DYNC2H1: variants seen among roughly 807,000 people sequenced by gnomAD.
The protein encoded by DYNC2H1 is dynein cytoplasmic 2 heavy chain 1.
In DYNC2H1, 410 loss-of-function variants were observed where a neutral mutation model predicts 570.0. The observed-to-expected ratio is 0.72, with a 90% CI of 0.66 to 0.78. DYNC2H1 has a LOEUF of 0.78. Ranked by LOEUF, DYNC2H1 falls within the 30% of genes least tolerant of loss-of-function variation. DYNC2H1 has a pLI of 0.00. For missense variants in DYNC2H1, 4,865 were observed against 5,046.4 expected (o/e 0.96, Z 1.09); for synonymous variants, 1,688 against 1,677.6 (o/e 1.01, Z -0.15).
rs1251171225 is a variant in DYNC2H1 at position 103,189,896 on chromosome 11, T to G, written c.7437+80T>G. On this transcript the variant is annotated intron_variant, in intron 45 of 88. Coordinates refer to ENST00000375735, the MANE Select transcript of DYNC2H1 (RefSeq NM_001377.3). This position sits in a 1 kb window ranked among gnomAD's most constrained non-coding sequence, Gnocchi z 4.3. ...TCTACTTTTAATTCTGACCTCTGTG[T>G]TGACACCCAGGCTTTACTTTCCTGT... The G allele has an allele frequency of 2.1e-6, 3 of 1,396,996 alleles. No individual in the cohort carries two copies. Among genetic ancestry groups the G allele is most frequent in the Non-Finnish European group, 2.9e-6 (3 of 1,042,554 alleles). The allele number at this position is 1,396,996 out of a possible 1,614,324, so 86.5% of individuals were successfully genotyped here. A position where few individuals can be genotyped will look rare whatever the true frequency, so the allele number is the denominator to read the frequency against.
intron 87 of DYNC2H1, among the ~76,000 whole-genome samples, chr11:103,459,330 A>AG (rs1565617803): frequency 1.4e-5 from 2 of 145,024 alleles, no homozygotes; most frequent in African/African-American, 5.4e-5. Context: ...AAAAAAAAAA[A>AG]AAAGGAAATT....
intron 83 of DYNC2H1, among the ~76,000 whole-genome samples, chr11:103,375,510 G>A (rs893972028): frequency 1.3e-5 from 2 of 152,210 alleles, no homozygotes; most frequent in East Asian, 3.9e-4. Context: ...CCAGGAGAGG[G>A]GAGCTGTACC....
chr11:103,115,066 C>T, intron 3 of DYNC2H1, 111 bp from the exon 4 acceptor site: 1 of 645,322 alleles, frequency 1.5e-6, no homozygotes, highest in Admixed American at 2.8e-5. Flanking sequence ...TTGACCTCAG[C>T]TAGGAGCATA....
chr11:103,200,425 A>T (rs2135083488), intron 50 of DYNC2H1, among the ~76,000 whole-genome samples: 1 of 152,292 alleles, frequency 6.6e-6, no homozygotes, highest in African/African-American at 2.4e-5. Flanking sequence ...CTGGGTTATT[A>T]TCTGTTATAA....
At position 103,211,777 on chromosome 11, in the gene DYNC2H1, A is replaced by AT. The variant is rs956617436; in HGVS notation, c.8540-5dup. 6.2e-6 allele frequency: 7 copies of AT among 1,136,612 alleles called. No homozygotes were observed. The highest frequency in any genetic ancestry group is 3.9e-5 in the South Asian group (2 of 51,226). 70.4% of individuals were successfully genotyped at this position (1,136,612 alleles called of 1,614,324 possible). ...ATATAATAAGTTATTTTTATTTTCTATTTTTTTCTAGTTGATCCTGATTTT... is the reference window on the plus strand; with the variant it reads ...ATATAATAAGTTATTTTTATTTTCTATTTTTTTTCTAGTTGATCCTGATTTT... On this transcript the variant is annotated splice_polypyrimidine_tract_variant and intron_variant, in intron 53 of 88. Coordinates refer to ENST00000375735, the MANE Select transcript of DYNC2H1 (RefSeq NM_001377.3).
At chr11:103,442,530 A>G (rs1944302871) in intron 85 of DYNC2H1, among the ~76,000 whole-genome samples, 2 of 152,104 alleles carry the variant, frequency 1.3e-5, no homozygotes, top group East Asian at 1.9e-4. Flanking sequence ...AATCCTTCGT[A>G]TGGCCAACTA....
chr11:103,302,735 T>A (rs191859812), intron 75 of DYNC2H1, among the ~76,000 whole-genome samples: 238 of 152,170 alleles, frequency 1.6e-3, no homozygotes, highest in African/African-American at 5.5e-3. Flanking sequence ...AGATTGATGG[T>A]TGGGTTCAGT....
intron 83 of DYNC2H1, among the ~76,000 whole-genome samples, chr11:103,377,612 T>G (rs1010189309): frequency 6.6e-6 from 1 of 152,182 alleles, no homozygotes; most frequent in Non-Finnish European, 1.5e-5. Flanking sequence ...ATGAAACTAA[T>G]CTTTTACATT....
chr11:103,286,133 C>T (rs530981151), intron 73 of DYNC2H1, 122 bp from the exon 74 acceptor site: 1 of 1,317,348 alleles, frequency 7.6e-7, no homozygotes, highest in East Asian at 2.3e-5. Context: ...CAAGGCAACA[C>T]AAAGTAGAAG....
chr11:103,352,264 C>T (rs1591619153), intron 82 of DYNC2H1, among the ~76,000 whole-genome samples: 1 of 151,764 alleles, frequency 6.6e-6, no homozygotes, highest in East Asian at 1.9e-4. Context: ...ATTTTGTTTC[C>T]CCTTATTGTT....
At chr11:103,253,167 C>T (rs1249839947) in intron 65 of DYNC2H1, 118 bp from the exon 66 acceptor site, 5 of 1,008,732 alleles carry the variant, frequency 5.0e-6, no homozygotes, top group African/African-American at 1.6e-5. Context: ...CAACTTTTGC[C>T]GTCTTAGACT....
chr11:103,122,262 A>G (rs1858759723), intron 10 of DYNC2H1, among the ~76,000 whole-genome samples: 1 of 152,206 alleles, frequency 6.6e-6, no homozygotes, highest in African/African-American at 2.4e-5. Flanking sequence ...TACAAAAGCC[A>G]GCATGTTCGA....
intron 65 of DYNC2H1, among the ~76,000 whole-genome samples, chr11:103,246,741 C>G (rs1240925157): frequency 6.6e-6 from 1 of 151,934 alleles, no homozygotes; most frequent in East Asian, 1.9e-4. Context: ...ATTTTTTCAT[C>G]ATACATTAAC....
chr11:103,110,279 T>C (rs1858049176), intron 1 of DYNC2H1, among the ~76,000 whole-genome samples: 1 of 152,170 alleles, frequency 6.6e-6, no homozygotes, highest in East Asian at 1.9e-4. Flanking sequence ...CCCAAAGTGC[T>C]GGGATTGCAA....
In DYNC2H1 at chr11:103,177,723, T is replaced by C. The variant is rs201858964; in HGVS notation, c.6042T>C (p.Pro2014=). 8.1e-6 allele frequency: 13 copies of C among 1,613,438 alleles called. No individual in the cohort carries two copies. The highest frequency in any genetic ancestry group is 1.3e-5 in the African/African-American group (1 of 74,906). Residue 2014 remains proline (P), a synonymous_variant, in exon 38 of 89, where the codon CCT becomes CCC. Transcript: ENST00000375735. This position sits in a 1 kb window ranked among gnomAD's most constrained non-coding sequence, Gnocchi z 4.4. ...KQYTMNPKAM[P]RYQLLGHIDM... ...ATACTATGAATCCCAAAGCTATGCCTCGATATCAATTATTAGGCCATATTG... is the reference window on the plus strand; with the variant it reads ...ATACTATGAATCCCAAAGCTATGCCCCGATATCAATTATTAGGCCATATTG...
chr11:103,265,321 A>C (rs72971596), intron 70 of DYNC2H1, among the ~76,000 whole-genome samples: 1 of 152,218 alleles, frequency 6.6e-6, no homozygotes, highest in African/African-American at 2.4e-5. Context: ...CGGCACATGT[A>C]TAACTATGTA....
chr11:103,354,399 T>C (rs549834666), intron 82 of DYNC2H1, among the ~76,000 whole-genome samples: 16 of 152,134 alleles, frequency 1.1e-4, no homozygotes, highest in South Asian at 4.1e-4. Context: ...CATCCTTCCA[T>C]ACAATACGGT....
intron 17 of DYNC2H1, among the ~76,000 whole-genome samples, chr11:103,141,868 G>A (rs1859957426): frequency 3.3e-5 from 5 of 152,210 alleles, no homozygotes; most frequent in Admixed American, 2.6e-4. Context: ...CACCCAGTTC[G>A]AGCTTCCCAC....
At chr11:103,393,309 G>A (rs1257665238) in intron 83 of DYNC2H1, among the ~76,000 whole-genome samples, 1 of 152,168 alleles carries the variant, frequency 6.6e-6, no homozygotes, top group Non-Finnish European at 1.5e-5. Flanking sequence ...CTCTTAATGT[G>A]AGATTGTATT....
Sources: allele counts gnomAD v4.1 joint callset (sites outside exome capture counted in the v4.1 genomes callset), GRCh38; gene constraint gnomAD v4.1.1; non-coding constraint Gnocchi (gnomAD v3.1); transcripts MANE v1.5; gene names NCBI Gene and HGNC (gene_info 2026-07-23, HGNC 2026-07-21).